The following SCN2A variants were observed in gnomAD, a reference collection of about 807,000 sequenced individuals.
SCN2A encodes the protein sodium channel protein type 2 subunit alpha.
A neutral mutation model predicts 188.7 loss-of-function variants in SCN2A; 20 were observed. The observed-to-expected ratio is 0.11, with a 90% CI of 0.07 to 0.15. The LOEUF is 0.15. Ranked by LOEUF, SCN2A falls within the 10% of genes least tolerant of loss-of-function variation. SCN2A has a pLI of 1.00. For missense variants in SCN2A, 1,278 were observed against 2,445.0 expected, an observed-to-expected ratio of 0.52 and a Z score of 10.07; for synonymous variants, 804 against 833.1, an observed-to-expected ratio of 0.97 and a Z score of 0.60.
At chr2:165,282,247 C>CT (rs1396834367) in intron 1 of SCN2A, among the ~76,000 whole-genome samples, 2 of 152,116 alleles carry the variant, frequency 1.3e-5, no homozygotes, top group Non-Finnish European at 2.9e-5. Flanking sequence ...AGTTCCAATG[C>CT]TTTGGGGGGT....
intron 16 of SCN2A, among the ~76,000 whole-genome samples, chr2:165,349,468 T>A (rs1699774039): frequency 6.6e-6 from 1 of 152,188 alleles, no homozygotes; most frequent in Admixed American, 6.5e-5. Flanking sequence ...CCACATGTTA[T>A]CTATTAGTTT....
chr2:165,374,563 C>T (rs1029624631), intron 21 of SCN2A, 122 bp from the exon 22 acceptor site: 19 of 1,018,880 alleles, frequency 1.9e-5, no homozygotes, highest in Non-Finnish European at 2.7e-5. Context: ...CTAGTTTCTA[C>T]CCAATATTCA....
chr2:165,257,507 G>A (rs1694378993), intron 1 of SCN2A, among the ~76,000 whole-genome samples: 1 of 151,954 alleles, frequency 6.6e-6, no homozygotes, highest in East Asian at 1.9e-4. Flanking sequence ...TTGTTTCTGT[G>A]TTTTGTTGTT....
At chr2:165,333,817 A>G (rs547711733) in intron 14 of SCN2A, among the ~76,000 whole-genome samples, 2 of 151,660 alleles carry the variant, frequency 1.3e-5, no homozygotes, top group African/African-American at 4.8e-5. Flanking sequence ...GAGAAAAATC[A>G]ATAAAACCAA....
At chr2:165,278,237 T>C (rs192005769) in intron 1 of SCN2A, among the ~76,000 whole-genome samples, 6 of 152,266 alleles carry the variant, frequency 3.9e-5, no homozygotes, top group African/African-American at 1.4e-4. Context: ...AAGACACTGG[T>C]AGAGTATATT....
At chr2:165,335,211 A>G (rs2105300942) in intron 14 of SCN2A, among the ~76,000 whole-genome samples, 1 of 151,854 alleles carries the variant, frequency 6.6e-6, no homozygotes, top group African/African-American at 2.4e-5. Context: ...AACGCTATTC[A>G]TATCAAAATC....
intron 1 of SCN2A, among the ~76,000 whole-genome samples, chr2:165,291,498 T>TCTTTCTTTCTTTCTTTC (rs1696169313): frequency 1.5e-5 from 2 of 129,686 alleles, no homozygotes; most frequent in Non-Finnish European, 1.6e-5. Context: ...TTCTTTTCTT[T>TCTTTCTTTCTTTCTTTC]CTTTCTTTCT....
chr2:165,280,208 T>C (rs1695524991), intron 1 of SCN2A, among the ~76,000 whole-genome samples: 1 of 152,190 alleles, frequency 6.6e-6, no homozygotes, highest in Non-Finnish European at 1.5e-5. Context: ...CCTATGTTTA[T>C]CTCTACTATG....
At position 165,370,159 on chromosome 2, in the gene SCN2A, A is replaced by C. The variant is rs2105365143; in HGVS notation, c.3709A>C (p.Thr1237Pro). ...FEDIYIEQRK[T>P]IKTMLEYADK... ...AGATATATACATTGAGCAGCGAAAA[A>C]CCATTAAGACCATGTTAGAATATGC... The change falls in exon 20 of 27, where the codon ACC becomes CCC. Residue 1237 changes from threonine (T) to proline (P), a missense_variant. This residue lies in a region of SCN2A where 228 missense variants were observed against 297.3 expected (regional missense o/e 0.77). Coordinates refer to ENST00000375437, the MANE Select transcript of SCN2A (RefSeq NM_001040142.2). 1 of 1,614,072 alleles carries C rather than the reference A, an allele frequency of 6.2e-7. No homozygotes were observed. The highest frequency in any genetic ancestry group is 2.2e-5 in the East Asian group (1 of 44,866).
intron 16 of SCN2A, among the ~76,000 whole-genome samples, chr2:165,353,536 G>T (rs899628217): frequency 2.0e-5 from 3 of 152,130 alleles, no homozygotes; most frequent in Admixed American, 6.6e-5. Flanking sequence ...ATAAAGAAAA[G>T]AGATTTAATT....
At chr2:165,249,646 T>C (rs988009871) in intron 1 of SCN2A, among the ~76,000 whole-genome samples, 4 of 152,026 alleles carry the variant, frequency 2.6e-5, no homozygotes, top group Non-Finnish European at 5.9e-5. Flanking sequence ...AATAAAATTA[T>C]TTACTACCTT....
Position 165,365,235 on chromosome 2 carries a change from C to T in SCN2A, c.3492C>T (p.Ser1164=), listed in dbSNP as rs1559391495. 3.7e-6 allele frequency: 6 copies of T among 1,613,670 alleles called. No homozygotes were observed. The highest frequency in any genetic ancestry group is 1.6e-4 in the Middle Eastern group (1 of 6,084). The change falls in exon 18 of 27, where the codon TCC becomes TCT. Residue 1164 remains serine (S), a synonymous_variant. Transcript: ENST00000375437. ...GEQPEVEPEE[S]LEPEACFTED... Reference sequence around the variant, plus strand: ...AGCCTGAGGTTGAACCTGAGGAATCCCTTGAACCTGAAGCCTGTTTTACAG... The same window carrying T: ...AGCCTGAGGTTGAACCTGAGGAATCTCTTGAACCTGAAGCCTGTTTTACAG...
chr2:165,386,174 T>G (rs988067361), intron 25 of SCN2A, among the ~76,000 whole-genome samples: 15 of 152,054 alleles, frequency 9.9e-5, no homozygotes, highest in Non-Finnish European at 2.1e-4. Flanking sequence ...CATTAAGAGA[T>G]AAGATTTGAG....
At chr2:165,253,107 C>T (rs894292643) in intron 1 of SCN2A, among the ~76,000 whole-genome samples, 3 of 151,998 alleles carry the variant, frequency 2.0e-5, no homozygotes, top group African/African-American at 7.2e-5. Context: ...TCATTCTTTA[C>T]AGTAATTTCC....
In SCN2A at chr2:165,297,026, G is replaced by A. The variant is rs1696548073; in HGVS notation, c.277G>A (p.Val93Ile). The change falls in exon 3 of 27, where the codon GTA (valine) becomes ATA (isoleucine). Residue 93 changes from valine to isoleucine, a missense_variant. Coordinates refer to ENST00000375437, the MANE Select transcript of SCN2A (RefSeq NM_001040142.2). Reference sequence around the variant, plus strand: ...GTGTTTTCTTTTTCAGACGTTTATAGTATTGAATAAAGGGAAAGCAATCTC... The same window carrying A: ...GTGTTTTCTTTTTCAGACGTTTATAATATTGAATAAAGGGAAAGCAATCTC... ...PYYINKKTFI[V>I]LNKGKAISRF... 6.3e-7 allele frequency: 1 copy of A among 1,583,358 alleles called. No individual in the cohort carries two copies. The highest frequency in any genetic ancestry group is 8.7e-7 in the Non-Finnish European group (1 of 1,153,306).
At chr2:165,317,197 A>C (rs769549089) in intron 11 of SCN2A, among the ~76,000 whole-genome samples, 8 of 152,234 alleles carry the variant, frequency 5.3e-5, no homozygotes, top group Non-Finnish European at 1.2e-4. Flanking sequence ...CAAATTTAAC[A>C]TAGGATCTTT....
intron 26 of SCN2A, among the ~76,000 whole-genome samples, chr2:165,387,593 A>G (rs1438016220): frequency 2.0e-5 from 3 of 152,166 alleles, no homozygotes; most frequent in Non-Finnish European, 2.9e-5. Flanking sequence ...ATGATACATT[A>G]ATGTTAGGAT....
chr2:165,332,723 A>G (rs1698761367), intron 14 of SCN2A, among the ~76,000 whole-genome samples: 1 of 151,982 alleles, frequency 6.6e-6, no homozygotes. Context: ...TGGGGTGGCA[A>G]TTGAAACAAG....
At chr2:165,305,715 C>T (rs567248364) in intron 3 of SCN2A, among the ~76,000 whole-genome samples, 8 of 152,180 alleles carry the variant, frequency 5.3e-5, no homozygotes, top group African/African-American at 1.9e-4. Context: ...AGTGACAAAA[C>T]GTGAAGATGT....
Sources: gnomAD v4.1 joint callset for allele counts (sites outside exome capture counted in the v4.1 genomes callset) on GRCh38, gnomAD v4.1.1 for gene constraint, gnomAD v4.1.1 regional missense constraint, MANE v1.5 for transcripts, NCBI Gene and HGNC (gene_info 2026-07-23, HGNC 2026-07-21) for gene names.